CCL3L3: variants seen among roughly 807,000 people sequenced by gnomAD.
The protein encoded by CCL3L3 is C-C motif chemokine 3-like 1.
Under a neutral mutation model 9.0 loss-of-function variants are expected in CCL3L3, and 6 were observed. That is an observed-to-expected ratio of 0.67 (90% confidence interval 0.37 to 1.32). The LOEUF (loss-of-function observed/expected upper bound fraction) is 1.32, where lower values mean the gene tolerates loss of function less well. CCL3L3 is among the 40% of genes most tolerant of loss of function. The probability of loss-of-function intolerance (pLI) is 0.02; values close to 1 mark genes in which losing one functional copy is unlikely to be tolerated. For synonymous variants in CCL3L3, 38 were observed against 45.7 expected, an observed-to-expected ratio of 0.83 and a Z score of 0.68; for missense variants, 93 against 117.0, an observed-to-expected ratio of 0.79 and a Z score of 0.95.
rs1347574144 is a variant in CCL3L3, at chr17:36,195,838, A to C, written c.151T>G (p.Tyr51Asp). ...RQIPQNFIAD[Y>D]FETSSQCSKP... Reference sequence around the variant, plus strand: ...GAGCACTGGCTGCTCGTCTCAAAGTAGTCAGCTATGAAATTCTGTGGAATC... The same window carrying C: ...GAGCACTGGCTGCTCGTCTCAAAGTCGTCAGCTATGAAATTCTGTGGAATC... The change falls in exon 2 of 3, where the codon TAC (tyrosine) becomes GAC (aspartate). Residue 51 changes from tyrosine to aspartate, a missense_variant. Coordinates refer to ENST00000619989, the MANE Select transcript of CCL3L3 (RefSeq NM_001001437.4). 1.1e-5 allele frequency: 17 copies of C among 1,583,062 alleles called. 5 individuals are homozygous for C. Among genetic ancestry groups the C allele is most frequent in the Non-Finnish European group, 6.9e-6 (8 of 1,157,832 alleles).
intron 2 of CCL3L3, chr17:36,195,587 C>A: frequency 1.0e-6 from 1 of 999,688 alleles, no homozygotes; most frequent in Non-Finnish European, 1.6e-6. Flanking sequence ...TTCTTCCTGT[C>A]CCTTTCCTCT....
At position 36,194,893 on chromosome 17, in the gene CCL3L3, A is replaced by G. The variant is rs1295053759; in HGVS notation, c.*393T>C. Reference sequence around the variant, plus strand: ...GTTTACCGTTTAAAAGAACATCTTTATTATTTCCCCAGGCCGATCACAGCC... The same window carrying G: ...GTTTACCGTTTAAAAGAACATCTTTGTTATTTCCCCAGGCCGATCACAGCC... On this transcript the variant is annotated 3_prime_UTR_variant, in exon 3 of 3. Transcript: ENST00000619989. 295 of 216,696 alleles carry G rather than the reference A, an allele frequency of 1.4e-3. 45 individuals carry two copies. The highest frequency in any genetic ancestry group is 4.0e-4 in the Non-Finnish European group (40 of 98,894). 13.4% of individuals were successfully genotyped at this position (216,696 alleles called of 1,614,324 possible).
Position 36,196,575 on chromosome 17 carries a change from C to G in CCL3L3, c.76+23G>C. 5.7e-6 allele frequency: 9 copies of G among 1,578,950 alleles called. 2 individuals are homozygous for G. The highest frequency in any genetic ancestry group is 7.8e-6 in the Non-Finnish European group (9 of 1,154,464). On this transcript the variant is annotated intron_variant, in intron 1 of 2. Transcript: ENST00000619989. The stretch of plus-strand genomic sequence containing the variant: ...AACCATGGCCAGAGAGTGGTGATAC[C>G]CACAACAACAACATGGACTCACGTG...
chr17:36,196,581 C>G lies in CCL3L3; in HGVS notation c.76+17G>C, dbSNP rs1485304103. ...GGCCAGAGAGTGGTGATACCCACAA[C>G]AACAACATGGACTCACGTGGTGCAG... On this transcript the variant is annotated intron_variant, in intron 1 of 2. Coordinates refer to ENST00000619989, the MANE Select transcript of CCL3L3 (RefSeq NM_001001437.4). 2.5e-6 allele frequency: 4 copies of G among 1,580,486 alleles called. 1 individual carries two copies.
chr17:36,195,741 G>T, intron 2 of CCL3L3, 57 bp downstream of exon 2: 2 of 1,557,344 alleles, frequency 1.3e-6, no homozygotes, highest in South Asian at 1.1e-5. Context: ...GCCTGTTTCT[G>T]CCCCCACCCT....
intron 2 of CCL3L3, 138 bp downstream of exon 2, chr17:36,195,660 C>T: frequency 8.0e-7 from 1 of 1,251,972 alleles, no homozygotes; most frequent in Non-Finnish European, 1.2e-6. Flanking sequence ...AGTCAGGTCA[C>T]ACCTCAGTGC....
At chr17:36,196,134 C>T in intron 1 of CCL3L3, 1 of 644,556 alleles carries the variant, frequency 1.6e-6, no homozygotes, top group Non-Finnish European at 2.8e-6. Flanking sequence ...ATCCAGATAC[C>T]TGAATGGACT....
At chr17:36,195,515 G>T in intron 2 of CCL3L3, 139 bp from the exon 3 acceptor site, 1 of 1,240,584 alleles carries the variant, frequency 8.1e-7, no homozygotes, top group Non-Finnish European at 1.2e-6. Flanking sequence ...GCCTATCTCC[G>T]TCTAGAGAGC....
At chr17:36,196,563 G>A (rs1300489744) in intron 1 of CCL3L3, 35 bp downstream of exon 1, 1 of 1,569,340 alleles carries the variant, frequency 6.4e-7, no homozygotes, top group East Asian at 2.2e-5. Context: ...CATGGCCAGA[G>A]AGTGGTGATA....
rs1440029472 is a variant in CCL3L3, at chr17:36,196,170, T to A, written c.77-258A>T. ...GTTCTCTTAGCTCTCTTCATGGAAT[T>A]TTGTCGGTTCAAGAAGTCATACCCC... On this transcript the variant is annotated intron_variant, in intron 1 of 2. Transcript: ENST00000619989. 2.1e-5 allele frequency: 13 copies of A among 630,284 alleles called. 2 individuals carry two copies. Among genetic ancestry groups the A allele is most frequent in the South Asian group, 1.1e-4 (6 of 57,040 alleles). The allele number at this position is 630,284 out of a possible 1,614,324, so 39.0% of individuals were successfully genotyped here.
At chr17:36,196,573 A>C in intron 1 of CCL3L3, 25 bp downstream of exon 1, 1 of 1,577,614 alleles carries the variant, frequency 6.3e-7, no homozygotes, top group Non-Finnish European at 8.7e-7. Flanking sequence ...GAGTGGTGAT[A>C]CCCACAACAA....
chr17:36,196,023 C>T, intron 1 of CCL3L3, 111 bp from the exon 2 acceptor site: 1 of 1,157,240 alleles, frequency 8.6e-7, no homozygotes, highest in Non-Finnish European at 1.2e-6. Flanking sequence ...CAAGTGACTG[C>T]AAGGCATTTG....
At chr17:36,196,176 G>T (rs1211263888) in intron 1 of CCL3L3, 2 of 623,956 alleles carry the variant, frequency 3.2e-6, no homozygotes, top group East Asian at 2.7e-5. Flanking sequence ...GAATTTTGTC[G>T]GTTCAAGAAG....
chr17:36,196,721 A>C lies in CCL3L3; in HGVS notation c.-48T>G. 6.4e-7 allele frequency: 1 copy of C among 1,553,396 alleles called. No individual in the cohort carries two copies. The highest frequency in any genetic ancestry group is 1.1e-5 in the South Asian group (1 of 87,892). On this transcript the variant is annotated 5_prime_UTR_variant, in exon 1 of 3. Transcript: ENST00000619989. ...GTGGGCTCGAGTGTCAGCAGAGCCAAGAAGGGACTGACTACTCTTTGCTGC... is the reference window on the plus strand; with the variant it reads ...GTGGGCTCGAGTGTCAGCAGAGCCACGAAGGGACTGACTACTCTTTGCTGC...
rs1222632470 is a variant in CCL3L3, at chr17:36,194,943, T to C, written c.*343A>G. ...CCTGAACAAAAGCATCTGATACACA[T>C]TTGTCAGTCTGGTGGCTTTGGTGCC... On this transcript the variant is annotated 3_prime_UTR_variant, in exon 3 of 3. Coordinates refer to ENST00000619989, the MANE Select transcript of CCL3L3 (RefSeq NM_001001437.4). The C allele has an allele frequency of 6.6e-6, 2 of 304,512 alleles. No individual in the cohort carries two copies. The highest frequency in any genetic ancestry group is 5.1e-5 in the South Asian group (1 of 19,602). The allele number at this position is 304,512 out of a possible 1,614,324, so 18.9% of individuals were successfully genotyped here.
Position 36,195,791 on chromosome 17 carries a change from CACTTACATG to C in CCL3L3, c.189_191+6del. 6.3e-7 allele frequency: 1 copy of C among 1,582,476 alleles called. No individual in the cohort carries two copies. The highest frequency in any genetic ancestry group is 1.7e-5 in the Admixed American group (1 of 59,214). On this transcript the variant is annotated splice_donor_variant and splice_donor_5th_base_variant and coding_sequence_variant and intron_variant, in exon 2 of 3. Transcript: ENST00000619989. LOFTEE classifies it high-confidence loss of function. ...CCCTAGAGGTGAGCAGGAAGACTGG[CACTTACATG>C]ACACTGGGCTTGGAGCACTGGCTGC...
chr17:36,196,326 CA>C, intron 1 of CCL3L3: 1 of 672,594 alleles, frequency 1.5e-6, no homozygotes, highest in Non-Finnish European at 2.8e-6. Flanking sequence ...CTGCCTCTTG[CA>C]AACTGATTCG....
intron 1 of CCL3L3, 153 bp from the exon 2 acceptor site, chr17:36,196,065 C>T: frequency 1.1e-6 from 1 of 890,464 alleles, no homozygotes; most frequent in Non-Finnish European, 1.8e-6. Flanking sequence ...CTCTTTGTTT[C>T]TGTCTATATT....
chr17:36,195,673 T>C lies in CCL3L3; in HGVS notation c.191+125A>G, dbSNP rs1276126659. The C allele has an allele frequency of 1.3e-3, 1,666 of 1,321,598 alleles. 23 individuals carry two copies. Among genetic ancestry groups the C allele is most frequent in the Middle Eastern group, 1.3e-3 (5 of 3,812 alleles). 81.9% of individuals were successfully genotyped at this position (1,321,598 alleles called of 1,614,324 possible). A position where few individuals can be genotyped will look rare whatever the true frequency, so the allele number is the denominator to read the frequency against. ...CAAGTCAGGTCACACCTCAGTGCCC[T>C]GCGTCCTGTATCCCCGATAGGCTCC... On this transcript the variant is annotated intron_variant, in intron 2 of 2. Coordinates refer to ENST00000619989, the MANE Select transcript of CCL3L3 (RefSeq NM_001001437.4).
Sources: gnomAD v4.1 joint callset for allele counts on GRCh38, gnomAD v4.1.1 for gene constraint, MANE v1.5 for transcripts, NCBI Gene and HGNC (gene_info 2026-07-23, HGNC 2026-07-21) for gene names.